The following ABHD2 variants were observed in gnomAD, a reference collection of about 807,000 sequenced individuals.
ABHD2 encodes the protein monoacylglycerol lipase ABHD2.
Under a neutral mutation model 48.1 loss-of-function variants are expected in ABHD2, and 20 were observed. That is an observed-to-expected ratio of 0.42 (90% CI 0.29 to 0.60). The LOEUF is 0.60. Among genes scored for constraint, ABHD2 ranks in the 20% least tolerant of loss-of-function variants. ABHD2 has a pLI of 0.24. For missense variants in ABHD2, 405 were observed against 550.9 expected, an observed-to-expected ratio of 0.74 and a Z score of 2.65; for synonymous variants, 209 against 214.2, an observed-to-expected ratio of 0.98 and a Z score of 0.21.
At position 89,092,336 on chromosome 15, in the gene ABHD2, T is replaced by C. The variant is rs1227258739; in HGVS notation, c.-107+3773T>C. On this transcript the variant is annotated intron_variant, in intron 1 of 10. Coordinates refer to ENST00000352732, the MANE Select transcript of ABHD2 (RefSeq NM_152924.5). The surrounding 1 kb of genome is among the most constrained non-coding windows in gnomAD (Gnocchi z 4.4). ...CCTGGTTTCTGATTTTCTTTTGTTGTCTTTAAGTGGAGGTTCATTAAGTTC... is the reference window on the plus strand; with the variant it reads ...CCTGGTTTCTGATTTTCTTTTGTTGCCTTTAAGTGGAGGTTCATTAAGTTC... 1.3e-5 allele frequency among the ~76,000 whole-genome samples: 2 copies of C among 152,212 alleles called. No individual in the cohort carries two copies. The highest frequency in any genetic ancestry group is 2.4e-5 in the African/African-American group (1 of 41,446).
chr15:89,148,114 G>A (rs146189546), intron 3 of ABHD2, among the ~76,000 whole-genome samples: 12,827 of 92,386 alleles, frequency 0.14, 720 homozygotes, highest in Middle Eastern at 0.33. Context: ...GTGAGACTCC[G>A]TCTCAAAAAA....
At chr15:89,169,336 TCTG>T (rs1303548419) in intron 5 of ABHD2, among the ~76,000 whole-genome samples, 1 of 152,162 alleles carries the variant, frequency 6.6e-6, no homozygotes, top group Non-Finnish European at 1.5e-5. Flanking sequence ...TGTCTTTAAA[TCTG>T]CTTCCTTGTC....
chr15:89,068,535 C>G, the ABHD2 span, among the ~76,000 whole-genome samples: 4 of 152,274 alleles, frequency 2.6e-5, no homozygotes, highest in African/African-American at 9.6e-5. Context: ...TACACGTGGT[C>G]CCTCCATGTG....
rs536823315 is a variant in ABHD2 at position 89,181,536 on chromosome 15, A to C, written c.723-3888A>C. ...CCTTTTTTCCCTTTTTGGGGTGTTA[A>C]GGTCATGCTTGCCCATCCCACTCTT... On this transcript the variant is annotated intron_variant, in intron 6 of 10. Transcript: ENST00000352732. Among the ~76,000 whole-genome samples the C allele has an allele frequency of 1.1e-4, 17 of 152,244 alleles. No homozygotes were observed. The South Asian group carries it at 3.3e-3, about 30-fold the overall frequency.
At chr15:89,080,092 T>C in the ABHD2 span, among the ~76,000 whole-genome samples, 3 of 152,304 alleles carry the variant, frequency 2.0e-5, no homozygotes, top group Non-Finnish European at 4.4e-5. Flanking sequence ...GGGCAGAGAT[T>C]CTTTACAGGA....
chr15:89,079,063 G>A, the ABHD2 span, among the ~76,000 whole-genome samples: 1 of 152,050 alleles, frequency 6.6e-6, no homozygotes, highest in South Asian at 2.1e-4. This position sits in a 1 kb window ranked among gnomAD's most constrained non-coding sequence, Gnocchi z 4.3. Flanking sequence ...TATCTTCACA[G>A]GTATGAGACA....
At chr15:89,089,827 A>G (rs1167603063) in intron 1 of ABHD2, among the ~76,000 whole-genome samples, 1 of 152,258 alleles carries the variant, frequency 6.6e-6, no homozygotes. Context: ...TGTGTGTTTT[A>G]GGATGAATTA....
At chr15:89,081,736 A>G in the ABHD2 span, among the ~76,000 whole-genome samples, 4 of 152,082 alleles carry the variant, frequency 2.6e-5, no homozygotes, top group African/African-American at 9.7e-5. Flanking sequence ...GTGTAATCCC[A>G]GCTACTCGGG....
At chr15:89,048,137 T>C in the ABHD2 span, among the ~76,000 whole-genome samples, 1,330 of 151,010 alleles carry the variant, frequency 8.8e-3, 29 homozygotes, top group African/African-American at 0.031. Flanking sequence ...GTAAAGTATT[T>C]TATTTCTCCT....
intron 1 of ABHD2, among the ~76,000 whole-genome samples, chr15:89,109,154 T>C (rs1004803676): frequency 1.3e-5 from 2 of 152,100 alleles, no homozygotes; most frequent in Admixed American, 1.3e-4. Context: ...AAAATAATGC[T>C]TTTAGCCAGG....
At chr15:89,126,423 G>A (rs533502890) in intron 3 of ABHD2, among the ~76,000 whole-genome samples, 5 of 152,238 alleles carry the variant, frequency 3.3e-5, no homozygotes, top group African/African-American at 4.8e-5. Flanking sequence ...TCCACTATCC[G>A]GGAGCAGGAA....
intron 3 of ABHD2, among the ~76,000 whole-genome samples, chr15:89,139,663 G>A (rs1314122816): frequency 6.6e-6 from 1 of 152,166 alleles, no homozygotes; most frequent in East Asian, 1.9e-4. Context: ...CTCAGTCCAT[G>A]TTGTCACTCT....
the ABHD2 span, among the ~76,000 whole-genome samples, chr15:89,072,075 C>A: frequency 6.6e-6 from 1 of 152,150 alleles, no homozygotes; most frequent in Admixed American, 6.5e-5. Flanking sequence ...TATTTTTTTC[C>A]TTTTTGAGGA....
the ABHD2 span, among the ~76,000 whole-genome samples, chr15:89,074,693 C>T: frequency 0.2 from 30,486 of 152,074 alleles, 3,711 homozygotes; most frequent in East Asian, 0.35. Flanking sequence ...TGCCCCCAGG[C>T]CTGTATGAGG....
chr15:89,069,765 T>C, the ABHD2 span, among the ~76,000 whole-genome samples: 1 of 138,096 alleles, frequency 7.2e-6, no homozygotes, highest in African/African-American at 2.7e-5. Flanking sequence ...CTGCAACCTC[T>C]GCCTCCCAGG....
At position 89,120,244 on chromosome 15, in the gene ABHD2, T is replaced by C. The variant is rs2050027258; in HGVS notation, c.194+3723T>C. Among the ~76,000 whole-genome samples the C allele has an allele frequency of 6.6e-6, 1 of 152,204 alleles. No homozygotes were observed. Among genetic ancestry groups the C allele is most frequent in the Non-Finnish European group, 1.5e-5 (1 of 68,038 alleles). ...TGTCTGGAGGAAAACTTTGCTTCAG[T>C]GGGATGTTATGTCTCCTGTTCTCTT... On this transcript the variant is annotated intron_variant, in intron 3 of 10. Transcript: ENST00000352732. This position sits in a 1 kb window ranked among gnomAD's most constrained non-coding sequence, Gnocchi z 4.2.
At chr15:89,152,353 ACAGGCGTGAGCCAC>A (rs981389939) in intron 4 of ABHD2, among the ~76,000 whole-genome samples, 2 of 152,146 alleles carry the variant, frequency 1.3e-5, no homozygotes, top group African/African-American at 4.8e-5. Flanking sequence ...TGCTGGGATT[ACAGGCGTGAGCCAC>A]CGCCCCCAGC....
intron 3 of ABHD2, among the ~76,000 whole-genome samples, chr15:89,127,687 C>A (rs1035579147): frequency 7.6e-6 from 1 of 131,786 alleles, no homozygotes; most frequent in African/African-American, 3.6e-5. Flanking sequence ...AGATTCTTCT[C>A]AGTGAATATA....
In ABHD2 at chr15:89,176,948, T is replaced by A. The variant is rs2051024208; in HGVS notation, c.722+953T>A. Among the ~76,000 whole-genome samples, 1 of 152,234 alleles carries A rather than the reference T, an allele frequency of 6.6e-6. No homozygotes were observed. On this transcript the variant is annotated intron_variant, in intron 6 of 10. Transcript: ENST00000352732. This position sits in a 1 kb window ranked among gnomAD's most constrained non-coding sequence, Gnocchi z 4.5. ...AGTTTAAACATACCTTGTTACTTTC[T>A]GATGGATAGAGGCCATCTATATTAT...
Sources: gnomAD v4.1 joint callset for allele counts (sites outside exome capture counted in the v4.1 genomes callset) on GRCh38, gnomAD v4.1.1 for gene constraint, Gnocchi (gnomAD v3.1) non-coding constraint, MANE v1.5 for transcripts, NCBI Gene and HGNC (gene_info 2026-07-23, HGNC 2026-07-21) for gene names.